Variants in STK4 observed in about 807,000 individuals in gnomAD.
STK4 encodes the protein serine/threonine-protein kinase 4.
Under a neutral mutation model 64.9 loss-of-function variants are expected in STK4, and 30 were observed. The observed-to-expected ratio is 0.46, with a 90% CI of 0.35 to 0.63. STK4 has a LOEUF of 0.63. STK4 is among the 20% of genes least tolerant of loss of function. The probability of loss-of-function intolerance (pLI) is 0.01; values close to 1 mark genes in which losing one functional copy is unlikely to be tolerated. For synonymous variants in STK4, 177 were observed against 199.0 expected (o/e 0.89, Z 0.93); for missense variants, 466 against 598.5 (o/e 0.78, Z 2.31).
Position 45,079,448 on chromosome 20 carries a change from A to C in STK4, c.*4272A>C, listed in dbSNP as rs1485908038. ...TTCTAGCATACCATGTTGCCTCTAAAGATTGCAGCTCCTTATTTACTAGAA... is the reference window on the plus strand; with the variant it reads ...TTCTAGCATACCATGTTGCCTCTAACGATTGCAGCTCCTTATTTACTAGAA... On this transcript the variant is annotated 3_prime_UTR_variant, in exon 11 of 11. Coordinates refer to ENST00000372806, the MANE Select transcript of STK4 (RefSeq NM_006282.5). 1 of 152,268 alleles carries C rather than the reference A, an allele frequency of 6.6e-6. No homozygotes were observed. Among genetic ancestry groups the C allele is most frequent in the Non-Finnish European group, 1.5e-5 (1 of 68,044 alleles). The allele number at this position is 152,268 out of a possible 1,614,324, so 9.4% of individuals were successfully genotyped here. A position where few individuals can be genotyped will look rare whatever the true frequency, so the allele number is the denominator to read the frequency against.
At chr20:45,025,900 C>T (rs1010368258) in intron 10 of STK4, among the ~76,000 whole-genome samples, 11 of 152,144 alleles carry the variant, frequency 7.2e-5, no homozygotes, top group African/African-American at 2.7e-4. Flanking sequence ...TCTGGCTTTC[C>T]ACTATACTAC....
chr20:45,063,900 C>T (rs547165699), intron 10 of STK4, among the ~76,000 whole-genome samples: 9 of 151,388 alleles, frequency 5.9e-5, no homozygotes, highest in East Asian at 3.9e-4. Context: ...CTCCACCTCC[C>T]GGGTTCACGC....
At chr20:44,974,930 G>C (rs1250975120) in intron 2 of STK4, 2 of 152,216 alleles carry the variant, frequency 1.3e-5, no homozygotes, top group African/African-American at 2.4e-5. Context: ...TAGAGCCAAA[G>C]CTCCAGACCA....
chr20:45,043,513 T>A (rs1225802864), intron 10 of STK4, among the ~76,000 whole-genome samples: 1 of 152,146 alleles, frequency 6.6e-6, no homozygotes, highest in African/African-American at 2.4e-5. Context: ...ATCTGTAAAA[T>A]GAAGTAATAC....
At chr20:45,011,246 A>T (rs1277286414) in intron 9 of STK4, among the ~76,000 whole-genome samples, 1 of 152,142 alleles carries the variant, frequency 6.6e-6, no homozygotes, top group African/African-American at 2.4e-5. Context: ...CAGTGTTAGG[A>T]TCATTGTGCA....
At chr20:45,001,881 C>T (rs2067847722) in intron 9 of STK4, among the ~76,000 whole-genome samples, 2 of 152,066 alleles carry the variant, frequency 1.3e-5, no homozygotes, top group Non-Finnish European at 2.9e-5. Flanking sequence ...TCCTTTTTTG[C>T]CTGTGACTAG....
At chr20:45,010,077 A>AT (rs2068017681) in intron 9 of STK4, among the ~76,000 whole-genome samples, 1 of 151,346 alleles carries the variant, frequency 6.6e-6, no homozygotes, top group Admixed American at 6.6e-5. Context: ...TTGTTTATTT[A>AT]TTTTTTTCTG....
At chr20:45,026,694 A>G (rs1170319540) in intron 10 of STK4, among the ~76,000 whole-genome samples, 7 of 152,192 alleles carry the variant, frequency 4.6e-5, no homozygotes, top group Non-Finnish European at 1.5e-5. Context: ...TTTAAAAGGT[A>G]TTATTCTAGT....
intron 6 of STK4, among the ~76,000 whole-genome samples, chr20:44,996,752 C>T (rs566422530): frequency 6.6e-6 from 1 of 152,110 alleles, no homozygotes; most frequent in African/African-American, 2.4e-5. Context: ...GGTTGATGAC[C>T]TTATTGTGTA....
Position 45,015,488 on chromosome 20 carries a change from A to G in STK4, c.1148-9485A>G, listed in dbSNP as rs2068125009. ...TCCCTTCAGGATTTAAACATCTATCATCAGAGTATTGTGTTGGTGTATGCT... is the reference window on the plus strand; with the variant it reads ...TCCCTTCAGGATTTAAACATCTATCGTCAGAGTATTGTGTTGGTGTATGCT... On this transcript the variant is annotated intron_variant, in intron 9 of 10. Coordinates refer to ENST00000372806, the MANE Select transcript of STK4 (RefSeq NM_006282.5). Among the ~76,000 whole-genome samples, 4 of 152,340 alleles carry G rather than the reference A, an allele frequency of 2.6e-5. No homozygotes were observed. In the South Asian group the frequency reaches 8.3e-4, roughly 32 times the overall value.
intron 10 of STK4, among the ~76,000 whole-genome samples, chr20:45,043,028 C>A (rs1482024214): frequency 6.6e-6 from 1 of 152,030 alleles, no homozygotes; most frequent in Non-Finnish European, 1.5e-5. Context: ...CTGACAGGCC[C>A]CAGTGTGTGT....
intron 9 of STK4, among the ~76,000 whole-genome samples, chr20:45,020,442 G>A (rs1265072829): frequency 1.2e-5 from 1 of 81,544 alleles, no homozygotes; most frequent in African/African-American, 3.9e-5. Flanking sequence ...GTTTATGCGT[G>A]TGTGTGTGTG....
intron 9 of STK4, among the ~76,000 whole-genome samples, chr20:45,006,253 G>GTATT (rs71197590): frequency 0.25 from 36,165 of 146,774 alleles, 5,032 homozygotes; most frequent in Middle Eastern, 0.4. Context: ...TGTTTCGGAT[G>GTATT]TATTTATTTA....
intron 5 of STK4, among the ~76,000 whole-genome samples, chr20:44,994,604 C>G (rs2067693846): frequency 6.6e-6 from 1 of 151,854 alleles, no homozygotes; most frequent in African/African-American, 2.4e-5. Flanking sequence ...TCCCCCATTA[C>G]AGACATTTCT....
At chr20:44,994,489 CT>C (rs939619207) in intron 5 of STK4, among the ~76,000 whole-genome samples, 56 of 144,794 alleles carry the variant, frequency 3.9e-4, no homozygotes, top group Middle Eastern at 7.1e-3. Context: ...TATATATCTT[CT>C]TTTTTTTTTC....
chr20:45,050,816 G>A (rs1224978666), intron 10 of STK4, among the ~76,000 whole-genome samples: 2 of 151,994 alleles, frequency 1.3e-5, no homozygotes, highest in Admixed American at 1.3e-4. Flanking sequence ...CTTTGGGAAA[G>A]TTTTTCACAT....
chr20:45,006,394 C>T (rs1009671325), intron 9 of STK4, among the ~76,000 whole-genome samples: 5 of 151,858 alleles, frequency 3.3e-5, no homozygotes, highest in Non-Finnish European at 4.4e-5. Flanking sequence ...ACGACTGCTC[C>T]GGGCTTGTCT....
chr20:44,994,968 T>C, intron 5 of STK4, 122 bp from the exon 6 acceptor site: 4 of 843,730 alleles, frequency 4.7e-6, no homozygotes, highest in Non-Finnish European at 6.6e-6. Context: ...TTTTTATTGT[T>C]GGAAAAGCCT....
intron 6 of STK4, 79 bp from the exon 7 acceptor site, chr20:44,997,090 G>GT: frequency 6.3e-7 from 1 of 1,587,648 alleles, no homozygotes; most frequent in Non-Finnish European, 8.6e-7. Context: ...AGCTTCAAAT[G>GT]TAATTCCACA....
Sources: allele counts gnomAD v4.1 joint callset (sites outside exome capture counted in the v4.1 genomes callset), GRCh38; gene constraint gnomAD v4.1.1; transcripts MANE v1.5; gene names NCBI Gene and HGNC (gene_info 2026-07-23, HGNC 2026-07-21).